CDH13: variants seen among roughly 807,000 people sequenced by gnomAD.
CDH13 encodes cadherin-13.
In CDH13, 24 loss-of-function variants were observed where a neutral mutation model predicts 63.8. The observed-to-expected ratio is 0.38, with a 90% CI of 0.27 to 0.53. The LOEUF (loss-of-function observed/expected upper bound fraction) is 0.53, where lower values mean the gene tolerates loss of function less well. Ranked by LOEUF, CDH13 falls within the 20% of genes least tolerant of loss-of-function variation. CDH13 has a pLI of 0.85. For synonymous variants in CDH13, 503 were observed against 355.3 expected (o/e 1.42, Z -4.67); for missense variants, 1,049 against 903.1 (o/e 1.16, Z -2.07).
chr16:83,612,784 C>A (rs1438868349), intron 8 of CDH13, among the ~76,000 whole-genome samples: 1 of 152,080 alleles, frequency 6.6e-6, no homozygotes, highest in East Asian at 1.9e-4. Context: ...AATCCAAGGA[C>A]TTTAGAAAAT....
intron 7 of CDH13, among the ~76,000 whole-genome samples, chr16:83,508,055 A>AGAAGGAAGGAAGGAAG (rs370660181): frequency 0.041 from 2,363 of 58,244 alleles, 138 homozygotes; most frequent in Admixed American, 0.068. Context: ...GAGAAAGAGA[A>AGAAGGAAGGAAGGAAG]GAAGGAAGGA....
At chr16:83,362,903 G>C (rs554425805) in intron 6 of CDH13, among the ~76,000 whole-genome samples, 1 of 152,224 alleles carries the variant, frequency 6.6e-6, no homozygotes, top group Admixed American at 6.5e-5. Context: ...AAAAACTGTG[G>C]TGGGGTTTCA....
intron 3 of CDH13, among the ~76,000 whole-genome samples, chr16:83,079,139 A>G (rs569510816): frequency 2.6e-5 from 4 of 152,276 alleles, no homozygotes; most frequent in African/African-American, 9.6e-5. Context: ...TTCCCCAGGT[A>G]GTTGTTTATT....
At chr16:83,762,277 T>C (rs1342240594) in intron 11 of CDH13, among the ~76,000 whole-genome samples, 1 of 152,156 alleles carries the variant, frequency 6.6e-6, no homozygotes. Flanking sequence ...ATTTGCCTTA[T>C]ATGGTCCAGA....
chr16:82,824,103 T>C (rs1372259387), intron 1 of CDH13: 2 of 152,128 alleles, frequency 1.3e-5, no homozygotes, highest in Non-Finnish European at 2.9e-5. Flanking sequence ...GAGATGTCAT[T>C]AGGGTCATGT....
intron 2 of CDH13, among the ~76,000 whole-genome samples, chr16:82,891,517 T>C (rs1312185525): frequency 6.6e-6 from 1 of 152,214 alleles, no homozygotes; most frequent in East Asian, 1.9e-4. Context: ...GTCTGGAAGA[T>C]CCCACCTATT....
intron 2 of CDH13, among the ~76,000 whole-genome samples, chr16:82,974,768 G>A (rs1453124415): frequency 3.9e-5 from 6 of 152,190 alleles, no homozygotes; most frequent in Non-Finnish European, 7.3e-5. Context: ...AGGAAAGTGG[G>A]CAGCATGTAG....
intron 10 of CDH13, among the ~76,000 whole-genome samples, chr16:83,701,203 C>T (rs1176433869): frequency 6.6e-6 from 1 of 152,020 alleles, no homozygotes; most frequent in Non-Finnish European, 1.5e-5. Context: ...AACGACTGAG[C>T]CAGAATAAAA....
In CDH13 at chr16:83,780,124, C is replaced by G; in HGVS notation, c.1838C>G (p.Pro613Arg). ...ILGASDKDLHPNTDPFKFEIH... is the reference protein window; with the variant it reads ...ILGASDKDLHRNTDPFKFEIH... ...GGAGCATCAGATAAGGATCTTCACC[C>G]GAATACAGATCCTTTCAAATTTGAA... Residue 613 changes from proline to arginine, a missense_variant, in exon 12 of 14, where the codon CCG becomes CGG. Coordinates refer to ENST00000567109, the MANE Select transcript of CDH13 (RefSeq NM_001257.5). 2.5e-6 allele frequency: 4 copies of G among 1,613,434 alleles called. No individual in the cohort carries two copies. The highest frequency in any genetic ancestry group is 3.4e-6 in the Non-Finnish European group (4 of 1,179,650).
chr16:82,782,209 A>G (rs1354842426), intron 1 of CDH13, among the ~76,000 whole-genome samples: 1 of 152,226 alleles, frequency 6.6e-6, no homozygotes. Context: ...CAGAAAGCCA[A>G]TCACAAGAAC....
chr16:83,141,553 A>G (rs992681066), intron 4 of CDH13, among the ~76,000 whole-genome samples: 1 of 152,116 alleles, frequency 6.6e-6, no homozygotes, highest in African/African-American at 2.4e-5. Context: ...CAGAATGTGC[A>G]GGTTTGTTAC....
chr16:83,204,937 A>G (rs893786512), intron 4 of CDH13, among the ~76,000 whole-genome samples: 7 of 152,252 alleles, frequency 4.6e-5, no homozygotes. Context: ...GAAGTGACAC[A>G]TATCACTTTC....
intron 12 of CDH13, among the ~76,000 whole-genome samples, chr16:83,781,036 A>C (rs188163553): frequency 7.9e-5 from 12 of 152,274 alleles, no homozygotes; most frequent in African/African-American, 2.9e-4. Context: ...TGGTTTAATG[A>C]TGACCTTGGG....
chr16:83,194,666 A>G (rs1364646844), intron 4 of CDH13, among the ~76,000 whole-genome samples: 1 of 152,204 alleles, frequency 6.6e-6, no homozygotes, highest in Non-Finnish European at 1.5e-5. Context: ...TTTCTTTAGG[A>G]TGAAAAGAGA....
At chr16:83,598,090 G>T (rs1195783052) in intron 7 of CDH13, among the ~76,000 whole-genome samples, 1 of 152,174 alleles carries the variant, frequency 6.6e-6, no homozygotes, top group East Asian at 1.9e-4. Flanking sequence ...ATTAGACCAG[G>T]TGCAGTGGCT....
At chr16:83,119,545 C>G (rs1358428769) in intron 3 of CDH13, among the ~76,000 whole-genome samples, 1 of 152,216 alleles carries the variant, frequency 6.6e-6, no homozygotes, top group East Asian at 1.9e-4. Context: ...ATCTTCAGTT[C>G]TTTCCCATAC....
chr16:83,232,684 G>C (rs142842022), intron 5 of CDH13, among the ~76,000 whole-genome samples: 21 of 152,174 alleles, frequency 1.4e-4, no homozygotes, highest in African/African-American at 5.1e-4. Flanking sequence ...CAGAAGCTGA[G>C]CAGATGCCAG....
chr16:83,123,397 AG>A (rs1233792494), intron 3 of CDH13, among the ~76,000 whole-genome samples: 3 of 151,994 alleles, frequency 2.0e-5, no homozygotes, highest in Admixed American at 2.0e-4. Flanking sequence ...CTCCTGCCTC[AG>A]CCTCATGAAT....
chr16:82,641,409 G>T (rs900460143), intron 1 of CDH13, among the ~76,000 whole-genome samples: 2 of 152,162 alleles, frequency 1.3e-5, no homozygotes, highest in Non-Finnish European at 2.9e-5. Flanking sequence ...CATGTTACTG[G>T]AAACTTCCTC....
Sources: allele counts gnomAD v4.1 joint callset (sites outside exome capture counted in the v4.1 genomes callset), GRCh38; gene constraint gnomAD v4.1.1; transcripts MANE v1.5; gene names NCBI Gene and HGNC (gene_info 2026-07-23, HGNC 2026-07-21).